Variants in SLIT2 observed in about 807,000 individuals in gnomAD.
SLIT2 encodes the protein slit homolog 2 protein.
SLIT2 carries 41 observed loss-of-function variants against 185.7 expected under a neutral mutation model. That is an observed-to-expected ratio of 0.22 (90% confidence interval 0.17 to 0.29). The LOEUF is 0.29. Ranked by LOEUF, SLIT2 falls within the 10% of genes least tolerant of loss-of-function variation. The probability of loss-of-function intolerance (pLI) is 1.00; values close to 1 mark genes in which losing one functional copy is unlikely to be tolerated. For synonymous variants in SLIT2, 693 were observed against 680.2 expected, an observed-to-expected ratio of 1.02 and a Z score of -0.29; for missense variants, 1,571 against 1,909.0, an observed-to-expected ratio of 0.82 and a Z score of 3.30.
At chr4:20,443,358 C>G (rs1342767422) in intron 4 of SLIT2, among the ~76,000 whole-genome samples, 4 of 152,046 alleles carry the variant, frequency 2.6e-5, no homozygotes, top group African/African-American at 9.7e-5. Context: ...TACAATATTT[C>G]TCTGGGACAA....
At chr4:20,408,456 T>G (rs1726942611) in intron 4 of SLIT2, among the ~76,000 whole-genome samples, 1 of 152,076 alleles carries the variant, frequency 6.6e-6, no homozygotes, top group African/African-American at 2.4e-5. Flanking sequence ...GCTTGAGAGT[T>G]CCTTGCCTCT....
chr4:20,476,989 G>T (rs571592336), intron 5 of SLIT2, among the ~76,000 whole-genome samples: 3 of 151,980 alleles, frequency 2.0e-5, no homozygotes, highest in Admixed American at 1.3e-4. Context: ...AAGAGAATCA[G>T]ATGAGCTTCA....
At chr4:20,337,168 G>A (rs1720576563) in intron 4 of SLIT2, among the ~76,000 whole-genome samples, 5 of 152,168 alleles carry the variant, frequency 3.3e-5, no homozygotes. Flanking sequence ...ACATACCCGA[G>A]ACTAGGTAAT....
chr4:20,253,920 G>C lies in SLIT2; in HGVS notation c.105G>C (p.Ser35=), dbSNP rs947415082. The C allele has an allele frequency of 4.4e-6, 7 of 1,602,424 alleles. No individual in the cohort carries two copies. The highest frequency in any genetic ancestry group is 5.9e-6 in the Non-Finnish European group (7 of 1,179,912). The change falls in exon 1 of 37, where the codon TCG becomes TCC. Residue 35 remains serine (S), a synonymous_variant. Coordinates refer to ENST00000504154, the MANE Select transcript of SLIT2 (RefSeq NM_004787.4). ...PQACPAQCSC[S]GSTVDCHGLA... Reference sequence around the variant, plus strand: ...CGTGCCCGGCGCAGTGCTCTTGCTCGGGCAGCACAGTGGACTGTCACGGGC... The same window carrying C: ...CGTGCCCGGCGCAGTGCTCTTGCTCCGGCAGCACAGTGGACTGTCACGGGC...
At chr4:20,608,902 C>A (rs972555192) in intron 33 of SLIT2, among the ~76,000 whole-genome samples, 1 of 152,086 alleles carries the variant, frequency 6.6e-6, no homozygotes, top group Non-Finnish European at 1.5e-5. Flanking sequence ...ATGTTGGAGC[C>A]TTTTTCAGTC....
In SLIT2 at chr4:20,598,372, T is replaced by C. The variant is rs1320399592; in HGVS notation, c.3669T>C (p.Ser1223=). Residue 1223 remains serine, a synonymous_variant, in exon 33 of 37, where the codon TCT becomes TCC. Transcript: ENST00000504154. ...TTCGTGCCAGCTATGACACCGGCTC[T>C]CATCCAGCTTCTGCCATTTACAGGT... The part of the protein sequence containing the change: ...GRVRASYDTG[S]HPASAIYSVE... 6.8e-6 allele frequency: 11 copies of C among 1,614,014 alleles called. No individual in the cohort carries two copies. Among genetic ancestry groups the C allele is most frequent in the Non-Finnish European group, 7.6e-6 (9 of 1,179,986 alleles).
At position 20,472,523 on chromosome 4, in the gene SLIT2, TCTATATATAG is replaced by T. The variant is rs1715517071; in HGVS notation, c.467+4701_467+4710del. Among the ~76,000 whole-genome samples, 2 of 20,338 alleles carry T rather than the reference TCTATATATAG, an allele frequency of 9.8e-5. 1 individual carries two copies. Among genetic ancestry groups the T allele is most frequent in the Non-Finnish European group, 1.5e-4 (2 of 13,766 alleles). The allele number at this position is 20,338 out of a possible 152,430, so 13.3% of individuals were successfully genotyped here. A position where few individuals can be genotyped will look rare whatever the true frequency, so the allele number is the denominator to read the frequency against. On this transcript the variant is annotated intron_variant, in intron 5 of 36. Coordinates refer to ENST00000504154, the MANE Select transcript of SLIT2 (RefSeq NM_004787.4). ...ATATCTATATATAGATAGATATATA[TCTATATATAG>T]ATATATCTATATCTATATATAGATA...
intron 4 of SLIT2, among the ~76,000 whole-genome samples, chr4:20,436,597 G>A (rs78511007): frequency 5.7e-4 from 87 of 152,262 alleles, no homozygotes; most frequent in African/African-American, 1.9e-3. Flanking sequence ...TTCAAATCAC[G>A]TATTTAGATT....
chr4:20,467,252 A>G (rs2148742587), intron 4 of SLIT2, among the ~76,000 whole-genome samples: 1 of 152,236 alleles, frequency 6.6e-6, no homozygotes, highest in Middle Eastern at 3.4e-3. Flanking sequence ...TCCATTTTCA[A>G]GATTACTAGA....
intron 4 of SLIT2, among the ~76,000 whole-genome samples, chr4:20,370,593 T>A (rs957634905): frequency 2.6e-5 from 4 of 152,126 alleles, no homozygotes; most frequent in Admixed American, 6.6e-5. Context: ...TCCATGGACA[T>A]TTCAAACTTG....
Position 20,420,048 on chromosome 4 carries a change from T to C in SLIT2, c.396-47704T>C, listed in dbSNP as rs192795989. On this transcript the variant is annotated intron_variant, in intron 4 of 36. Coordinates refer to ENST00000504154, the MANE Select transcript of SLIT2 (RefSeq NM_004787.4). ...AAACCAGGCACTTCAAATGGTAGATTTGAACAATAAATGATAACCACTGTC... is the reference window on the plus strand; with the variant it reads ...AAACCAGGCACTTCAAATGGTAGATCTGAACAATAAATGATAACCACTGTC... Among the ~76,000 whole-genome samples the C allele has an allele frequency of 1.2e-4, 19 of 152,260 alleles. No homozygotes were observed. The East Asian group carries it at 3.5e-3, about 28-fold the overall frequency.
In SLIT2 at chr4:20,553,828, A is replaced by G; in HGVS notation, c.2585A>G (p.Tyr862Cys). 1 of 1,588,814 alleles carries G rather than the reference A, an allele frequency of 6.3e-7. No homozygotes were observed. Reference sequence around the variant, plus strand: ...AGAGCAATTGGAGCCAACCCTCTTTACTGTGATTGTAACATGCAGTGGTTA... The same window carrying G: ...AGAGCAATTGGAGCCAACCCTCTTTGCTGTGATTGTAACATGCAGTGGTTA... Reference protein sequence around the residue: ...SHLAIGANPLYCDCNMQWLSD... With the variant: ...SHLAIGANPLCCDCNMQWLSD... Residue 862 changes from tyrosine to cysteine, a missense_variant, in exon 26 of 37, where the codon TAC (tyrosine) becomes TGC (cysteine). Physicochemically the swap from Tyr to Cys is radical, Grantham distance 194. Transcript: ENST00000504154.
chr4:20,538,495 G>A (rs1370834412), intron 18 of SLIT2, among the ~76,000 whole-genome samples: 1 of 152,148 alleles, frequency 6.6e-6, no homozygotes, highest in Non-Finnish European at 1.5e-5. Flanking sequence ...ATTTTAAAGT[G>A]ACACTTTGTT....
Position 20,472,313 on chromosome 4 carries a change from T to TATAG in SLIT2, c.467+4491_467+4492insTAGA. On this transcript the variant is annotated intron_variant, in intron 5 of 36. Transcript: ENST00000504154. ...ATATATAGATATATAGATCTATATA[T>TATAG]AGATATATATATCTATATATAGATC... Among the ~76,000 whole-genome samples the TATAG allele has an allele frequency of 8.6e-5, 2 of 23,270 alleles. 1 individual carries two copies. Among genetic ancestry groups the TATAG allele is most frequent in the Admixed American group, 1.1e-3 (2 of 1,790 alleles). The allele number at this position is 23,270 out of a possible 152,430, so 15.3% of individuals were successfully genotyped here.
rs143217143 is a variant in SLIT2 at position 20,573,345 on chromosome 4, C to G, written c.3088+4341C>G. On this transcript the variant is annotated intron_variant, in intron 29 of 36. Transcript: ENST00000504154. ...TTACATAGATTTCACTGCGGGTACA[C>G]AGTAAAAAGGAATGTTGACAAAATA... 3.0e-5 allele frequency: 21 copies of G among 699,616 alleles called. No homozygotes were observed. The East Asian group carries it at 5.6e-4, about 19-fold the overall frequency. The allele number at this position is 699,616 out of a possible 1,614,324, so 43.3% of individuals were successfully genotyped here. A position where few individuals can be genotyped will look rare whatever the true frequency, so the allele number is the denominator to read the frequency against.
At chr4:20,537,802 CT>C (rs1722433273) in intron 18 of SLIT2, among the ~76,000 whole-genome samples, 1 of 152,138 alleles carries the variant, frequency 6.6e-6, no homozygotes, top group East Asian at 1.9e-4. Flanking sequence ...TCCATTCCCC[CT>C]AGGCTTCTTA....
rs190068631 is a variant in SLIT2, at chr4:20,366,406, G to A, written c.395+97525G>A. ...GAAGGAATATGATTAGCCTTGGTTG[G>A]CCACATTTCTGTTTTTTGACCAATC... On this transcript the variant is annotated intron_variant, in intron 4 of 36. Coordinates refer to ENST00000504154, the MANE Select transcript of SLIT2 (RefSeq NM_004787.4). 9.3e-4 allele frequency among the ~76,000 whole-genome samples: 141 copies of A among 152,186 alleles called. 1 individual carries two copies. The highest frequency in any genetic ancestry group is 3.2e-3 in the African/African-American group (131 of 41,532).
At chr4:20,474,537 CAA>C (rs1275840918) in intron 5 of SLIT2, among the ~76,000 whole-genome samples, 1 of 151,988 alleles carries the variant, frequency 6.6e-6, no homozygotes, top group African/African-American at 2.4e-5. Flanking sequence ...TAGAACAAAA[CAA>C]AATAACACAA....
intron 4 of SLIT2, among the ~76,000 whole-genome samples, chr4:20,415,267 T>C (rs1007178694): frequency 9.9e-5 from 15 of 151,876 alleles, no homozygotes; most frequent in Admixed American, 5.2e-4. Context: ...AAAAATTAGC[T>C]GGGCGTGGTG....
Sources: gnomAD v4.1 joint callset for allele counts (sites outside exome capture counted in the v4.1 genomes callset) on GRCh38, gnomAD v4.1.1 for gene constraint, MANE v1.5 for transcripts, NCBI Gene and HGNC (gene_info 2026-07-23, HGNC 2026-07-21) for gene names.